Variants in ECT2L observed in about 807,000 individuals in gnomAD.
ECT2L encodes epithelial cell transforming 2 like, also known as epithelial cell-transforming sequence 2 oncogene-like.
ECT2L carries 126 observed loss-of-function variants against 122.8 expected under a neutral mutation model. That is an observed-to-expected ratio of 1.03 (90% CI 0.89 to 1.19). The LOEUF is 1.19. Among genes scored for constraint, ECT2L ranks in the 50% most tolerant of loss-of-function variants. The pLI is 0.00. For synonymous variants in ECT2L, 385 were observed against 381.8 expected (o/e 1.01, Z -0.10); for missense variants, 1,012 against 1,064.1 (o/e 0.95, Z 0.68).
rs771630511 is a variant in ECT2L at position 138,813,311 on chromosome 6, C to T, written c.37C>T (p.Pro13Ser). Reference protein sequence around the residue: ...SFHTRFSAWTPFSNKSLNRQL... With the variant: ...SFHTRFSAWTSFSNKSLNRQL... The stretch of plus-strand genomic sequence containing the variant: ...CCACACCAGATTTAGTGCCTGGACA[C>T]CTTTTAGCAACAAGTCATTAAATAG... Residue 13 changes from proline to serine, a missense_variant, in exon 3 of 22, where the codon CCT becomes TCT. Pro to Ser is a moderately conservative substitution (Grantham distance 74, BLOSUM62 -1). Coordinates refer to ENST00000541398, the MANE Select transcript of ECT2L (RefSeq NM_001077706.3). The T allele has an allele frequency of 6.2e-7, 1 of 1,612,132 alleles. No individual in the cohort carries two copies. The highest frequency in any genetic ancestry group is 2.2e-5 in the East Asian group (1 of 44,790).
chr6:138,812,358 A>G (rs991843156), intron 1 of ECT2L, among the ~76,000 whole-genome samples: 2 of 152,254 alleles, frequency 1.3e-5, no homozygotes, highest in Non-Finnish European at 2.9e-5. Context: ...AAGCTTTGAA[A>G]TAAGTGTTTG....
chr6:138,868,209 A>T lies in ECT2L; in HGVS notation c.1578+3A>T, dbSNP rs556579014. The T allele has an allele frequency of 5.3e-5, 85 of 1,607,282 alleles. 1 individual carries two copies. In the South Asian group the frequency reaches 9.1e-4, roughly 17 times the overall value. On this transcript the variant is annotated splice_donor_region_variant and intron_variant, in intron 13 of 21. Coordinates refer to ENST00000541398, the MANE Select transcript of ECT2L (RefSeq NM_001077706.3). Reference sequence around the variant, plus strand: ...TGGAGTTGTCAAAAGAAGATTCTGTAAGTGTTTCTTTGAAGAAAGTAAACT... The same window carrying T: ...TGGAGTTGTCAAAAGAAGATTCTGTTAGTGTTTCTTTGAAGAAAGTAAACT...
chr6:138,847,623 T>C (rs1401266012), intron 8 of ECT2L, among the ~76,000 whole-genome samples: 1 of 150,946 alleles, frequency 6.6e-6, no homozygotes, highest in Non-Finnish European at 1.5e-5. Flanking sequence ...GTGATCCGCC[T>C]GCCTTGGCCT....
At chr6:138,831,759 A>T (rs1776654906) in intron 4 of ECT2L, among the ~76,000 whole-genome samples, 1 of 152,242 alleles carries the variant, frequency 6.6e-6, no homozygotes, top group Non-Finnish European at 1.5e-5. Flanking sequence ...GAATGTAAGA[A>T]GGGATTCAAA....
chr6:138,884,430 G>A lies in ECT2L; in HGVS notation c.2029-1076G>A, dbSNP rs148292009. On this transcript the variant is annotated intron_variant, in intron 16 of 21. Coordinates refer to ENST00000541398, the MANE Select transcript of ECT2L (RefSeq NM_001077706.3). ...AGGCAGGTGGATCATCTGAGGTCAG[G>A]AGTTCGAGACCAGCCTGGCCAACAT... Among the ~76,000 whole-genome samples, 249 of 152,094 alleles carry A rather than the reference G, an allele frequency of 1.6e-3. 1 individual carries two copies. Among genetic ancestry groups the A allele is most frequent in the African/African-American group, 5.8e-3 (239 of 41,508 alleles).
intron 20 of ECT2L, among the ~76,000 whole-genome samples, chr6:138,890,936 C>T (rs971533388): frequency 1.3e-5 from 2 of 151,966 alleles, no homozygotes; most frequent in Admixed American, 6.6e-5. Flanking sequence ...AATTTTTATC[C>T]TTTTTCCTCT....
intron 1 of ECT2L, among the ~76,000 whole-genome samples, chr6:138,810,216 G>A (rs1663006216): frequency 6.6e-6 from 1 of 152,198 alleles, no homozygotes; most frequent in African/African-American, 2.4e-5. Context: ...GATTTGCACA[G>A]TTGGAAGGAA....
At chr6:138,818,573 A>T (rs1300748251) in intron 4 of ECT2L, among the ~76,000 whole-genome samples, 1 of 152,182 alleles carries the variant, frequency 6.6e-6, no homozygotes, top group Non-Finnish European at 1.5e-5. Flanking sequence ...AGAAGAAAAC[A>T]TCGAATGAAA....
At chr6:138,893,170 T>G (rs1021660186) in intron 20 of ECT2L, among the ~76,000 whole-genome samples, 1 of 145,398 alleles carries the variant, frequency 6.9e-6, no homozygotes, top group East Asian at 2.1e-4. Flanking sequence ...CTCAGTTTTT[T>G]TTTGTTTTTT....
Position 138,865,173 on chromosome 6 carries a change from T to G in ECT2L, c.1469T>G (p.Met490Arg). ...CTGCAGAAGAGCATCAGTGGCAGGA[T>G]GATAGGTAAGCAGTCTTGCTACTTC... ...KELQKSISGR[M>R]IGQFMFDTMG... Residue 490 changes from methionine to arginine, a missense_variant, in exon 12 of 22, where the codon ATG becomes AGG. Transcript: ENST00000541398. 24 of 1,608,848 alleles carry G rather than the reference T, an allele frequency of 1.5e-5. No individual in the cohort carries two copies. The highest frequency in any genetic ancestry group is 2.0e-5 in the Non-Finnish European group (23 of 1,176,058).
At chr6:138,812,371 G>C (rs1775930367) in intron 1 of ECT2L, among the ~76,000 whole-genome samples, 1 of 152,212 alleles carries the variant, frequency 6.6e-6, no homozygotes, top group African/African-American at 2.4e-5. Flanking sequence ...AGTGTTTGTT[G>C]TTTTAAGCTG....
At chr6:138,868,012 A>AG (rs1258593027) in intron 12 of ECT2L, 91 bp from the exon 13 acceptor site, 78 of 809,296 alleles carry the variant, frequency 9.6e-5, no homozygotes, top group Non-Finnish European at 1.2e-4. Context: ...AAAAAAAAAA[A>AG]AAAAAAAGAA....
intron 1 of ECT2L, among the ~76,000 whole-genome samples, chr6:138,808,461 C>G (rs1157885718): frequency 6.6e-6 from 1 of 151,942 alleles, no homozygotes; most frequent in Non-Finnish European, 1.5e-5. Context: ...GTTGCACGGG[C>G]TAGTCTCAAA....
chr6:138,833,690 T>C (rs1338144574), intron 4 of ECT2L, among the ~76,000 whole-genome samples: 1 of 152,088 alleles, frequency 6.6e-6, no homozygotes, highest in Non-Finnish European at 1.5e-5. Flanking sequence ...TAATCCCAGC[T>C]GCTCAGGAGG....
At chr6:138,889,387 C>T (rs759827054) in intron 20 of ECT2L, among the ~76,000 whole-genome samples, 11 of 151,710 alleles carry the variant, frequency 7.3e-5, no homozygotes, top group Non-Finnish European at 1.3e-4. Context: ...AGTGCAGTGG[C>T]GCAATCTCGG....
intron 7 of ECT2L, among the ~76,000 whole-genome samples, chr6:138,846,293 G>A (rs1777216879): frequency 6.6e-6 from 1 of 152,148 alleles, no homozygotes; most frequent in Non-Finnish European, 1.5e-5. Context: ...TAAGAGATAA[G>A]TAAGTTCCAA....
At chr6:138,802,480 A>G (rs1360844009) in intron 1 of ECT2L, among the ~76,000 whole-genome samples, 2 of 152,242 alleles carry the variant, frequency 1.3e-5, no homozygotes, top group Non-Finnish European at 2.9e-5. Flanking sequence ...CCATATAACA[A>G]TGAACAAGGG....
chr6:138,817,920 TA>T (rs1229557607), intron 4 of ECT2L, among the ~76,000 whole-genome samples: 2 of 152,170 alleles, frequency 1.3e-5, no homozygotes, highest in Non-Finnish European at 1.5e-5. Flanking sequence ...GTCTTTCCCC[TA>T]CCACTTGACT....
intron 4 of ECT2L, among the ~76,000 whole-genome samples, chr6:138,832,108 G>C (rs1420143642): frequency 6.6e-6 from 1 of 150,584 alleles, no homozygotes; most frequent in East Asian, 1.9e-4. Context: ...TCCCTCCTTT[G>C]GTTTCAAGTT....
Sources: allele counts gnomAD v4.1 joint callset (sites outside exome capture counted in the v4.1 genomes callset), GRCh38; gene constraint gnomAD v4.1.1; transcripts MANE v1.5; gene names NCBI Gene and HGNC (gene_info 2026-07-23, HGNC 2026-07-21).